Variants in ARHGAP24 observed in about 807,000 individuals in gnomAD.
The protein encoded by ARHGAP24 is rho GTPase-activating protein 24.
In ARHGAP24, 50 loss-of-function variants were observed where a neutral mutation model predicts 76.4. That is an observed-to-expected ratio of 0.65 (90% confidence interval 0.52 to 0.83). ARHGAP24 has a LOEUF of 0.83. Among genes scored for constraint, ARHGAP24 ranks in the 40% least tolerant of loss-of-function variants. The pLI, the probability that ARHGAP24 is intolerant of heterozygous loss-of-function variation, is 0.00. For synonymous variants in ARHGAP24, 345 were observed against 323.3 expected, an observed-to-expected ratio of 1.07 and a Z score of -0.72; for missense variants, 930 against 914.2, an observed-to-expected ratio of 1.02 and a Z score of -0.22.
At chr4:85,683,342 C>T (rs1250623047) in intron 2 of ARHGAP24, among the ~76,000 whole-genome samples, 1 of 152,066 alleles carries the variant, frequency 6.6e-6, no homozygotes, top group Non-Finnish European at 1.5e-5. Context: ...AAATTCTATC[C>T]TAGCCCATGA....
intron 3 of ARHGAP24, among the ~76,000 whole-genome samples, chr4:85,821,823 A>T (rs979929044): frequency 6.6e-6 from 1 of 152,252 alleles, no homozygotes; most frequent in Non-Finnish European, 1.5e-5. Flanking sequence ...GCTTCCAAAA[A>T]TAACTCGAAT....
chr4:85,648,209 T>C (rs2109977589), intron 2 of ARHGAP24, among the ~76,000 whole-genome samples: 1 of 152,174 alleles, frequency 6.6e-6, no homozygotes, highest in Admixed American at 6.6e-5. Context: ...GAGGGGGAGC[T>C]AGGTAGTTTT....
intron 4 of ARHGAP24, among the ~76,000 whole-genome samples, chr4:85,938,735 T>G (rs1736790749): frequency 6.6e-6 from 1 of 152,180 alleles, no homozygotes; most frequent in Non-Finnish European, 1.5e-5. Context: ...CTTTTTTATA[T>G]ATTATACTGC....
rs759152713 is a variant in ARHGAP24, at chr4:85,570,735, A to G, written c.180+14A>G. ...ACCAAGCCCTTGGTGAGTAGGAGAA[A>G]ATGTAAAGCATTAAGGGCCTAAGAA... On this transcript the variant is annotated intron_variant, in intron 2 of 9. Transcript: ENST00000395184. 35 of 1,613,768 alleles carry G rather than the reference A, an allele frequency of 2.2e-5. No homozygotes were observed. The highest frequency in any genetic ancestry group is 3.0e-5 in the Non-Finnish European group (35 of 1,179,776).
chr4:85,950,107 G>T (rs1293006713), intron 5 of ARHGAP24, among the ~76,000 whole-genome samples: 7 of 152,128 alleles, frequency 4.6e-5, no homozygotes, highest in Non-Finnish European at 8.8e-5. Flanking sequence ...CTATGATATG[G>T]TGGAGGTATA....
chr4:85,872,379 C>T (rs962690124), intron 3 of ARHGAP24, among the ~76,000 whole-genome samples: 9 of 151,892 alleles, frequency 5.9e-5, no homozygotes, highest in Non-Finnish European at 1.2e-4. Flanking sequence ...TCACTGCAAC[C>T]TCTGTCTCCC....
intron 3 of ARHGAP24, among the ~76,000 whole-genome samples, chr4:85,807,818 G>C (rs72978870): frequency 2.0e-5 from 3 of 152,090 alleles, no homozygotes; most frequent in Non-Finnish European, 2.9e-5. Context: ...TTCAAGCACC[G>C]CTATTCCAAG....
At chr4:85,750,702 C>T (rs1047018288) in intron 3 of ARHGAP24, among the ~76,000 whole-genome samples, 2 of 151,706 alleles carry the variant, frequency 1.3e-5, no homozygotes. Flanking sequence ...CACCATGTTG[C>T]CCAGGCTGGT....
chr4:85,796,686 A>C, intron 3 of ARHGAP24, among the ~76,000 whole-genome samples: 1 of 152,164 alleles, frequency 6.6e-6, no homozygotes, highest in Non-Finnish European at 1.5e-5. Flanking sequence ...AAAGAATATA[A>C]GAATAGCAGA....
At chr4:85,986,247 C>A (rs1394657606) in intron 8 of ARHGAP24, among the ~76,000 whole-genome samples, 1 of 152,114 alleles carries the variant, frequency 6.6e-6, no homozygotes, top group Non-Finnish European at 1.5e-5. Flanking sequence ...ATATCCATAT[C>A]TATATAATAG....
chr4:85,530,996 C>G (rs1453783480), intron 1 of ARHGAP24, among the ~76,000 whole-genome samples: 1 of 151,974 alleles, frequency 6.6e-6, no homozygotes, highest in Non-Finnish European at 1.5e-5. Context: ...GTAATTTTCT[C>G]GAAACACAGA....
intron 3 of ARHGAP24, among the ~76,000 whole-genome samples, chr4:85,843,100 T>A (rs2110151398): frequency 6.6e-6 from 1 of 152,346 alleles, no homozygotes; most frequent in South Asian, 2.1e-4. Context: ...TTACATATTA[T>A]TTTGTAGAAA....
intron 1 of ARHGAP24, among the ~76,000 whole-genome samples, chr4:85,547,028 C>T (rs1725946506): frequency 6.6e-6 from 1 of 152,128 alleles, no homozygotes; most frequent in African/African-American, 2.4e-5. Context: ...CAATTTCTGT[C>T]ATAACTGCAG....
intron 2 of ARHGAP24, among the ~76,000 whole-genome samples, chr4:85,665,343 C>G (rs530336594): frequency 6.6e-6 from 1 of 151,916 alleles, no homozygotes; most frequent in Non-Finnish European, 1.5e-5. Context: ...CAACCCCTGC[C>G]TTTTTTTGTT....
intron 2 of ARHGAP24, among the ~76,000 whole-genome samples, chr4:85,623,359 T>C (rs1720794812): frequency 6.6e-6 from 1 of 152,238 alleles, no homozygotes; most frequent in South Asian, 2.1e-4. Flanking sequence ...AGGGAATCCT[T>C]TCCCCATTGC....
intron 3 of ARHGAP24, among the ~76,000 whole-genome samples, chr4:85,846,600 T>A (rs904954108): frequency 2.6e-5 from 4 of 152,220 alleles, no homozygotes; most frequent in Non-Finnish European, 4.4e-5. Context: ...CTAATGGTGA[T>A]GGGGTCATTC....
chr4:85,843,083 T>C (rs1730695921), intron 3 of ARHGAP24, among the ~76,000 whole-genome samples: 2 of 152,380 alleles, frequency 1.3e-5, no homozygotes, highest in South Asian at 4.1e-4. Flanking sequence ...CATAATAAGT[T>C]ATTATTTTAC....
At chr4:85,788,107 G>C (rs943671628) in intron 3 of ARHGAP24, among the ~76,000 whole-genome samples, 2 of 152,104 alleles carry the variant, frequency 1.3e-5, no homozygotes, top group African/African-American at 4.8e-5. Context: ...TTAAGCCTAG[G>C]AACACACAGG....
At chr4:85,929,892 T>C (rs1287987955) in intron 4 of ARHGAP24, among the ~76,000 whole-genome samples, 2 of 152,204 alleles carry the variant, frequency 1.3e-5, no homozygotes, top group African/African-American at 4.8e-5. Context: ...CCCTGGGGGT[T>C]GGTTTGGTGC....
Sources: allele counts gnomAD v4.1 joint callset (sites outside exome capture counted in the v4.1 genomes callset), GRCh38; gene constraint gnomAD v4.1.1; transcripts MANE v1.5; gene names NCBI Gene and HGNC (gene_info 2026-07-23, HGNC 2026-07-21).